The following CRACD variants were observed in gnomAD, a reference collection of about 807,000 sequenced individuals.
The protein encoded by CRACD is capping protein inhibiting regulator of actin dynamics.
CRACD carries 56 observed loss-of-function variants against 106.8 expected under a neutral mutation model. The ratio of observed to expected loss-of-function variants is 0.52; its 90% CI spans 0.42 to 0.66. The LOEUF (loss-of-function observed/expected upper bound fraction) is 0.66. CRACD is among the 30% of genes least tolerant of loss of function. The pLI is 0.00. For missense variants in CRACD, 1,730 were observed against 1,623.2 expected, an observed-to-expected ratio of 1.07 and a Z score of -1.13; for synonymous variants, 754 against 670.8, an observed-to-expected ratio of 1.12 and a Z score of -1.92.
At chr4:56,222,336 A>G (rs1337392556) in intron 2 of CRACD, among the ~76,000 whole-genome samples, 1 of 152,226 alleles carries the variant, frequency 6.6e-6, no homozygotes, top group Non-Finnish European at 1.5e-5. Flanking sequence ...GAACTAAGCT[A>G]TGGGTATGCA....
intron 1 of CRACD, among the ~76,000 whole-genome samples, chr4:56,079,361 G>T (rs774706172): frequency 2.6e-4 from 40 of 151,678 alleles, no homozygotes; most frequent in Non-Finnish European, 2.9e-4. Flanking sequence ...TCATCATTCT[G>T]TATTTTTTTC....
intron 1 of CRACD, among the ~76,000 whole-genome samples, chr4:56,138,421 G>A (rs1336130831): frequency 6.6e-6 from 1 of 152,030 alleles, no homozygotes; most frequent in Admixed American, 6.6e-5. Context: ...CCAAGATTGT[G>A]TCACTGCAAC....
chr4:56,307,727 T>C (rs752827691), intron 5 of CRACD, 28 bp downstream of exon 5: 4 of 1,612,630 alleles, frequency 2.5e-6, no homozygotes, highest in Non-Finnish European at 2.5e-6. Context: ...AATGACTTGA[T>C]GGCTCATAAA....
At chr4:56,088,375 C>T (rs1733303606) in intron 1 of CRACD, among the ~76,000 whole-genome samples, 1 of 152,078 alleles carries the variant, frequency 6.6e-6, no homozygotes, top group South Asian at 2.1e-4. Context: ...CTTATTCTGT[C>T]TCCCAGGCTG....
chr4:56,074,320 A>C (rs1050038539), intron 1 of CRACD, among the ~76,000 whole-genome samples: 1 of 152,214 alleles, frequency 6.6e-6, no homozygotes, highest in Non-Finnish European at 1.5e-5. Context: ...ATCCATGAGC[A>C]TGGAATGTTT....
chr4:56,327,268 C>A (rs531269999), intron 10 of CRACD, among the ~76,000 whole-genome samples: 1 of 152,032 alleles, frequency 6.6e-6, no homozygotes, highest in Non-Finnish European at 1.5e-5. Context: ...AGGAATTTGC[C>A]TCTCTGTGTT....
At chr4:56,286,525 C>CAAAAAGAAAAAAAAA (rs1743355513) in intron 3 of CRACD, among the ~76,000 whole-genome samples, 1 of 89,382 alleles carries the variant, frequency 1.1e-5, no homozygotes, top group Non-Finnish European at 2.2e-5. Flanking sequence ...GACTCCGTCT[C>CAAAAAGAAAAAAAAA]AAAAAAAAAA....
intron 8 of CRACD, among the ~76,000 whole-genome samples, chr4:56,319,711 C>G (rs1326792753): frequency 6.6e-6 from 1 of 152,164 alleles, no homozygotes; most frequent in East Asian, 1.9e-4. Context: ...TTGCCTCTCA[C>G]ATTTCCTGTG....
chr4:56,230,237 C>T (rs28681000), intron 2 of CRACD, among the ~76,000 whole-genome samples: 67,740 of 151,896 alleles, frequency 0.45, 15,768 homozygotes, highest in Non-Finnish European at 0.51. Context: ...TTTTGGGGTA[C>T]GTCCTTGGTG....
intron 3 of CRACD, among the ~76,000 whole-genome samples, chr4:56,293,462 A>C (rs1419481872): frequency 6.6e-6 from 1 of 152,242 alleles, no homozygotes; most frequent in Non-Finnish European, 1.5e-5. Context: ...TAAATGAAAG[A>C]TAGCTGTATT....
At chr4:56,174,773 A>C (rs1415966437) in intron 1 of CRACD, among the ~76,000 whole-genome samples, 2 of 152,152 alleles carry the variant, frequency 1.3e-5, no homozygotes, top group Non-Finnish European at 2.9e-5. Context: ...GTCTGTTTTC[A>C]CACTGATATA....
intron 1 of CRACD, among the ~76,000 whole-genome samples, chr4:56,143,083 T>C (rs1311329714): frequency 1.3e-5 from 2 of 151,974 alleles, no homozygotes; most frequent in African/African-American, 2.4e-5. Flanking sequence ...GACATAAAAA[T>C]TGTTTGGCTT....
At position 56,187,566 on chromosome 4, in the gene CRACD, A is replaced by T. The variant is rs1222737374; in HGVS notation, c.-189+8136A>T. On this transcript the variant is annotated intron_variant, in intron 2 of 10. Transcript: ENST00000682029. ...GATCATCTTAGTACTTCTAGGGGATAAAGCCAAAAAATACCCCAAACCAAC... is the reference window on the plus strand; with the variant it reads ...GATCATCTTAGTACTTCTAGGGGATTAAGCCAAAAAATACCCCAAACCAAC... Among the ~76,000 whole-genome samples, 3 of 152,296 alleles carry T rather than the reference A, an allele frequency of 2.0e-5. No homozygotes were observed. In the East Asian group the frequency reaches 5.8e-4, roughly 29 times the overall value.
chr4:56,057,845 G>T, intron 1 of CRACD, among the ~76,000 whole-genome samples: 1 of 85,676 alleles, frequency 1.2e-5, no homozygotes, highest in Non-Finnish European at 2.1e-5. Flanking sequence ...TTGAGACGGA[G>T]TCTCGCTCTG....
intron 2 of CRACD, among the ~76,000 whole-genome samples, chr4:56,180,940 C>T (rs899419): frequency 0.12 from 18,539 of 151,980 alleles, 2,547 homozygotes; most frequent in East Asian, 0.51. Flanking sequence ...TAATTTTTTA[C>T]AGTGAGCACA....
At chr4:56,284,291 G>GAAAAAAAAA (rs1743201801) in intron 3 of CRACD, among the ~76,000 whole-genome samples, 2 of 1,376 alleles carry the variant, frequency 1.5e-3, no homozygotes, top group East Asian at 4.8e-3. Context: ...CCATCCTAAA[G>GAAAAAAAAA]TAAAAAAAAA....
chr4:56,231,363 G>A (rs972773062), intron 2 of CRACD, among the ~76,000 whole-genome samples: 1 of 152,138 alleles, frequency 6.6e-6, no homozygotes, highest in Admixed American at 6.6e-5. Context: ...GAAATTACTT[G>A]TTAAATAAAT....
At chr4:56,179,091 A>G (rs2899056) in intron 1 of CRACD, among the ~76,000 whole-genome samples, 193 bp from the exon 2 acceptor site, 55,091 of 152,028 alleles carry the variant, frequency 0.36, 10,155 homozygotes, top group South Asian at 0.39. Context: ...AATGCTTTTA[A>G]AGCTCTATAG....
intron 2 of CRACD, among the ~76,000 whole-genome samples, chr4:56,270,921 AACAC>A (rs35109908): frequency 6.0e-4 from 87 of 145,428 alleles, no homozygotes; most frequent in Admixed American, 1.4e-3. Flanking sequence ...GTCTCTACTA[AACAC>A]ACACACACAC....
Sources: gnomAD v4.1 joint callset for allele counts (sites outside exome capture counted in the v4.1 genomes callset) on GRCh38, gnomAD v4.1.1 for gene constraint, MANE v1.5 for transcripts, NCBI Gene and HGNC (gene_info 2026-07-23, HGNC 2026-07-21) for gene names.